The following NELL1 variants were observed in gnomAD, a reference collection of about 807,000 sequenced individuals.
NELL1 encodes the protein neural EGFL like 1, also known as protein kinase C-binding protein NELL1.
A neutral mutation model predicts 107.4 loss-of-function variants in NELL1; 76 were observed. That is an observed-to-expected ratio of 0.71 (90% confidence interval 0.59 to 0.86). The LOEUF (loss-of-function observed/expected upper bound fraction) is 0.86. NELL1 is among the 40% of genes least tolerant of loss of function. The probability of loss-of-function intolerance (pLI) is 0.00; values close to 1 mark genes in which losing one functional copy is unlikely to be tolerated. For missense variants in NELL1, 1,024 were observed against 1,005.5 expected (o/e 1.02, Z -0.25); for synonymous variants, 353 against 341.2 (o/e 1.03, Z -0.38).
Position 21,503,891 on chromosome 11 carries a change from C to T in NELL1, c.1646-30483C>T, listed in dbSNP as rs77953420. Among the ~76,000 whole-genome samples, 2,542 of 152,036 alleles carry T rather than the reference C, an allele frequency of 0.017. 200 individuals carry two copies. In the East Asian group the frequency reaches 0.26, roughly 16 times the overall value. On this transcript the variant is annotated intron_variant, in intron 15 of 19. Coordinates refer to ENST00000357134, the MANE Select transcript of NELL1 (RefSeq NM_006157.5). ...TAAATACAGTAATTGATCCTCAAAC[C>T]CTCTTCACACACAATGTTTCATTAG...
intron 4 of NELL1, among the ~76,000 whole-genome samples, chr11:20,861,645 T>A (rs1272489696): frequency 6.6e-6 from 1 of 152,216 alleles, no homozygotes; most frequent in Non-Finnish European, 1.5e-5. Flanking sequence ...GGGTTTGTGA[T>A]GAGGGTCAGG....
Position 21,143,219 on chromosome 11 carries a change from A to T in NELL1, c.1426+29505A>T, listed in dbSNP as rs191701120. On this transcript the variant is annotated intron_variant, in intron 13 of 19. Coordinates refer to ENST00000357134, the MANE Select transcript of NELL1 (RefSeq NM_006157.5). The stretch of plus-strand genomic sequence containing the variant: ...CTGTAACTCACTGGAATTCATGAAC[A>T]GTTTTGGCTAAACTGTGTGCAGCAG... Among the ~76,000 whole-genome samples, 638 of 152,354 alleles carry T rather than the reference A, an allele frequency of 4.2e-3. 4 individuals carry two copies. Among genetic ancestry groups the T allele is most frequent in the African/African-American group, 0.014 (593 of 41,580 alleles).
rs1858404035 is a variant in NELL1 at position 21,243,112 on chromosome 11, A to G, written c.1549+13658A>G. Among the ~76,000 whole-genome samples, 3 of 152,100 alleles carry G rather than the reference A, an allele frequency of 2.0e-5. No homozygotes were observed. In the South Asian group the frequency reaches 6.2e-4, roughly 31 times the overall value. ...ACCCTACTCATTTGAGGATGATGCCATTTTTAATGTGGTATATTCTGAAAG... is the reference window on the plus strand; with the variant it reads ...ACCCTACTCATTTGAGGATGATGCCGTTTTTAATGTGGTATATTCTGAAAG... On this transcript the variant is annotated intron_variant, in intron 14 of 19. Transcript: ENST00000357134.
intron 13 of NELL1, among the ~76,000 whole-genome samples, chr11:21,172,124 A>G (rs1163291759): frequency 6.6e-6 from 1 of 151,794 alleles, no homozygotes; most frequent in East Asian, 1.9e-4. Context: ...CGCAAAGGGT[A>G]TTTTTTGGAT....
intron 18 of NELL1, among the ~76,000 whole-genome samples, chr11:21,572,777 C>T (rs2134015494): frequency 1.3e-5 from 2 of 151,958 alleles, no homozygotes; most frequent in East Asian, 3.9e-4. Flanking sequence ...TCTTTATATA[C>T]TAGACAGTAC....
At chr11:21,493,150 A>G (rs2133919587) in intron 15 of NELL1, among the ~76,000 whole-genome samples, 1 of 152,258 alleles carries the variant, frequency 6.6e-6, no homozygotes, top group Non-Finnish European at 1.5e-5. Context: ...AATGTAAATT[A>G]GTAAAACCAC....
intron 17 of NELL1, among the ~76,000 whole-genome samples, chr11:21,566,250 G>A (rs147207998): frequency 0.012 from 1,816 of 151,610 alleles, 32 homozygotes; most frequent in African/African-American, 0.042. Flanking sequence ...TCTGACCTAC[G>A]TCCACCTTCT....
Position 20,947,405 on chromosome 11 carries a change from C to T in NELL1, c.1141C>T (p.Pro381Ser). ...CTGCTCAGAAAAGGATCACATTCTT[C>T]CTGAGAATCAGTGCTGCCGTGTCTG... ...LNCSEKDHIL[P>S]ENQCCRVCRG... The change falls in exon 11 of 20, where the codon CCT becomes TCT. Residue 381 changes from proline (P) to serine (S), a missense_variant. Transcript: ENST00000357134. The T allele has an allele frequency of 1.2e-6, 2 of 1,614,018 alleles. No individual in the cohort carries two copies. The highest frequency in any genetic ancestry group is 1.3e-5 in the African/African-American group (1 of 75,044).
intron 15 of NELL1, among the ~76,000 whole-genome samples, chr11:21,413,112 TG>T (rs1413843901): frequency 6.6e-6 from 1 of 152,060 alleles, no homozygotes; most frequent in Non-Finnish European, 1.5e-5. Context: ...AAAAAACCCT[TG>T]ATTGCCAATT....
chr11:21,337,397 A>G (rs1850428504), intron 14 of NELL1, among the ~76,000 whole-genome samples: 1 of 152,196 alleles, frequency 6.6e-6, no homozygotes, highest in Non-Finnish European at 1.5e-5. Context: ...ATAAAAGTGT[A>G]TTTCTTGCTC....
rs555899214 is a variant in NELL1 at position 20,969,313 on chromosome 11, C to A, written c.1300+8753C>A. ...AGCAAAATTCACAGTTTCCCCTGTG[C>A]TGCAGTTCTGAGTTTTGTGCTAGAA... On this transcript the variant is annotated intron_variant, in intron 12 of 19. Coordinates refer to ENST00000357134, the MANE Select transcript of NELL1 (RefSeq NM_006157.5). Among the ~76,000 whole-genome samples the A allele has an allele frequency of 1.1e-4, 16 of 152,276 alleles. No homozygotes were observed. The East Asian group carries it at 3.1e-3, about 29-fold the overall frequency.
chr11:21,370,940 G>A lies in NELL1; in HGVS notation c.1637G>A (p.Cys546Tyr). The A allele has an allele frequency of 6.2e-7, 1 of 1,610,286 alleles. No homozygotes were observed. Among genetic ancestry groups the A allele is most frequent in the Non-Finnish European group, 8.5e-7 (1 of 1,178,026 alleles). ...VCPSGFTGSHCEKDIDECSEG... is the reference protein window; with the variant it reads ...VCPSGFTGSHYEKDIDECSEG... ...CCATCTGGATTCACAGGAAGCCACT[G>A]CGAGAAAGGTAATCTAGCTTGTTTT... The change falls in exon 15 of 20, where the codon TGC (cysteine) becomes TAC (tyrosine). Residue 546 changes from cysteine to tyrosine, a missense_variant. Physicochemically the swap from Cys to Tyr is radical, Grantham distance 194. Coordinates refer to ENST00000357134, the MANE Select transcript of NELL1 (RefSeq NM_006157.5).
intron 16 of NELL1, among the ~76,000 whole-genome samples, chr11:21,541,063 A>G (rs1445335023): frequency 6.6e-6 from 1 of 152,096 alleles, no homozygotes; most frequent in East Asian, 1.9e-4. Flanking sequence ...CCTACAGTAC[A>G]ATTTAGGTGT....
At chr11:21,058,942 G>C (rs1853673050) in intron 12 of NELL1, among the ~76,000 whole-genome samples, 1 of 152,068 alleles carries the variant, frequency 6.6e-6, no homozygotes, top group African/African-American at 2.4e-5. Context: ...CATGATTTCT[G>C]TGCAAGTGGA....
intron 12 of NELL1, among the ~76,000 whole-genome samples, chr11:21,066,337 G>A (rs1027155865): frequency 6.6e-6 from 1 of 152,142 alleles, no homozygotes; most frequent in Non-Finnish European, 1.5e-5. Flanking sequence ...AGTTGCCTGT[G>A]ATAAGTATTT....
At chr11:20,827,110 C>T (rs533509207) in intron 3 of NELL1, among the ~76,000 whole-genome samples, 1 of 150,574 alleles carries the variant, frequency 6.6e-6, no homozygotes. Flanking sequence ...TTATCTGAGT[C>T]GAAATATTTT....
At chr11:20,717,883 A>G (rs1216315373) in intron 2 of NELL1, among the ~76,000 whole-genome samples, 1 of 152,190 alleles carries the variant, frequency 6.6e-6, no homozygotes, top group Non-Finnish European at 1.5e-5. Flanking sequence ...CACTCAATGC[A>G]AGTGCATATG....
chr11:20,796,265 A>T (rs1857167359), intron 3 of NELL1, among the ~76,000 whole-genome samples: 1 of 152,218 alleles, frequency 6.6e-6, no homozygotes, highest in East Asian at 1.9e-4. Flanking sequence ...AATTCCTAAA[A>T]AAGCATGTTT....
chr11:20,950,914 C>T (rs1294078627), intron 11 of NELL1, among the ~76,000 whole-genome samples: 1 of 152,196 alleles, frequency 6.6e-6, no homozygotes, highest in Non-Finnish European at 1.5e-5. Context: ...GAAGGCCTTT[C>T]AATTAGCATA....
Sources: gnomAD v4.1 joint callset for allele counts (sites outside exome capture counted in the v4.1 genomes callset) on GRCh38, gnomAD v4.1.1 for gene constraint, MANE v1.5 for transcripts, NCBI Gene and HGNC (gene_info 2026-07-23, HGNC 2026-07-21) for gene names.